The following SORCS2 variants were observed in gnomAD, a reference collection of about 807,000 sequenced individuals.
SORCS2 encodes VPS10 domain-containing receptor SorCS2.
SORCS2 carries 100 observed loss-of-function variants against 141.6 expected under a neutral mutation model. The ratio of observed to expected loss-of-function variants is 0.71; its 90% CI spans 0.60 to 0.83. The LOEUF is 0.83. SORCS2 is among the 40% of genes least tolerant of loss of function. SORCS2 has a pLI of 0.00. For synonymous variants in SORCS2, 789 were observed against 676.9 expected (o/e 1.17, Z -2.57); for missense variants, 1,646 against 1,560.2 (o/e 1.05, Z -0.93).
chr4:7,467,659 G>A (rs1034802346), intron 2 of SORCS2, among the ~76,000 whole-genome samples: 9 of 152,152 alleles, frequency 5.9e-5, no homozygotes, highest in South Asian at 2.1e-4. Context: ...CCAGGGCTCC[G>A]GCTCCCTCAG....
chr4:7,303,255 C>T (rs4689689), intron 1 of SORCS2, among the ~76,000 whole-genome samples: 34,763 of 152,130 alleles, frequency 0.23, 4,687 homozygotes, highest in Admixed American at 0.36. Flanking sequence ...CTGAGGCGTT[C>T]CTGGCTTCAT....
chr4:7,407,972 C>G (rs751297876), intron 2 of SORCS2, among the ~76,000 whole-genome samples: 19 of 152,034 alleles, frequency 1.2e-4, no homozygotes, highest in Non-Finnish European at 2.4e-4. Flanking sequence ...ATCCTCATCT[C>G]CCCCATATTT....
intron 4 of SORCS2, among the ~76,000 whole-genome samples, chr4:7,641,817 G>GATGGATGGATGGATGT (rs1553897684): frequency 1.6e-5 from 2 of 127,350 alleles, no homozygotes; most frequent in Non-Finnish European, 3.5e-5. Context: ...TGGATGGATG[G>GATGGATGGATGGATGT]GTGGGTGGAT....
chr4:7,403,113 A>G (rs1724705589), intron 2 of SORCS2, among the ~76,000 whole-genome samples: 1 of 152,190 alleles, frequency 6.6e-6, no homozygotes, highest in African/African-American at 2.4e-5. Flanking sequence ...TTGTTAGAAT[A>G]GCAATTCTGA....
chr4:7,646,468 T>G (rs1336562758), intron 4 of SORCS2, among the ~76,000 whole-genome samples: 1 of 152,138 alleles, frequency 6.6e-6, no homozygotes, highest in African/African-American at 2.4e-5. Flanking sequence ...ACTGGTGTCC[T>G]TATAAGAAGA....
chr4:7,545,324 A>G (rs1306407907), intron 3 of SORCS2, among the ~76,000 whole-genome samples: 1 of 152,218 alleles, frequency 6.6e-6, no homozygotes, highest in Non-Finnish European at 1.5e-5. Context: ...CCCCAGGCTC[A>G]GGGGCACACA....
chr4:7,352,536 G>A (rs1359352797), intron 1 of SORCS2, among the ~76,000 whole-genome samples: 1 of 152,224 alleles, frequency 6.6e-6, no homozygotes, highest in Non-Finnish European at 1.5e-5. Context: ...CTTGGGCTTA[G>A]TCCTGTTAGA....
intron 10 of SORCS2, among the ~76,000 whole-genome samples, chr4:7,685,585 C>T (rs1315499653): frequency 2.0e-5 from 3 of 152,156 alleles, no homozygotes; most frequent in Admixed American, 6.5e-5. Flanking sequence ...GCAGGAGAAT[C>T]GCTTGAACCT....
intron 1 of SORCS2, among the ~76,000 whole-genome samples, chr4:7,280,589 C>A (rs1362286147): frequency 6.6e-6 from 1 of 152,120 alleles, no homozygotes; most frequent in Non-Finnish European, 1.5e-5. Flanking sequence ...GTTTGGATGG[C>A]GTGGTAAGAA....
At chr4:7,523,910 G>A (rs1465314780) in intron 2 of SORCS2, among the ~76,000 whole-genome samples, 1 of 152,210 alleles carries the variant, frequency 6.6e-6, no homozygotes, top group African/African-American at 2.4e-5. Flanking sequence ...GGCCCCTGGG[G>A]CTTCCCACTG....
intron 2 of SORCS2, among the ~76,000 whole-genome samples, chr4:7,411,505 A>C (rs1577517055): frequency 2.0e-5 from 3 of 148,920 alleles, no homozygotes; most frequent in Non-Finnish European, 3.0e-5. Context: ...CACCCTTCCC[A>C]CCTTTGCTCC....
intron 2 of SORCS2, among the ~76,000 whole-genome samples, chr4:7,443,833 G>A (rs1021364225): frequency 2.0e-5 from 3 of 152,230 alleles, no homozygotes; most frequent in Non-Finnish European, 4.4e-5. Context: ...CTCCTCCCAC[G>A]GCATCAGAAG....
chr4:7,286,187 G>A lies in SORCS2; in HGVS notation c.480+93061G>A, dbSNP rs931184132. ...CCAGCTGGGTCTCCAGGCCTGTGCC[G>A]GTCCTCACTGCACGACTCGGACCCT... On this transcript the variant is annotated intron_variant, in intron 1 of 26. Coordinates refer to ENST00000507866, the MANE Select transcript of SORCS2 (RefSeq NM_020777.3). This position sits in a 1 kb window ranked among gnomAD's most constrained non-coding sequence, Gnocchi z 4.1. Among the ~76,000 whole-genome samples the A allele has an allele frequency of 1.3e-5, 2 of 152,196 alleles. No individual in the cohort carries two copies. The highest frequency in any genetic ancestry group is 2.1e-4 in the South Asian group (1 of 4,826).
intron 1 of SORCS2, among the ~76,000 whole-genome samples, chr4:7,342,109 C>T (rs1023073217): frequency 2.0e-5 from 3 of 152,150 alleles, no homozygotes; most frequent in African/African-American, 7.2e-5. Flanking sequence ...TGTTGATGAA[C>T]AATTGTGTTG....
intron 2 of SORCS2, among the ~76,000 whole-genome samples, chr4:7,500,036 G>A (rs1465334797): frequency 2.0e-5 from 3 of 152,288 alleles, no homozygotes; most frequent in East Asian, 1.9e-4. Flanking sequence ...AGCACCGTGG[G>A]GACCCAGCTG....
At chr4:7,450,022 G>T (rs1014977190) in intron 2 of SORCS2, among the ~76,000 whole-genome samples, 16 of 152,218 alleles carry the variant, frequency 1.1e-4, no homozygotes, top group Non-Finnish European at 2.2e-4. Context: ...ACGTGGGGCT[G>T]GGCGTTTTCC....
chr4:7,724,705 G>A (rs201327118), intron 19 of SORCS2, among the ~76,000 whole-genome samples: 24 of 141,492 alleles, frequency 1.7e-4, no homozygotes, highest in Middle Eastern at 3.8e-3. Flanking sequence ...GTTGGTGATG[G>A]TGGTGATAGT....
At chr4:7,561,602 ATCTATCTACCCATCCG>A (rs1165317300) in intron 3 of SORCS2, among the ~76,000 whole-genome samples, 56 of 145,312 alleles carry the variant, frequency 3.9e-4, no homozygotes, top group African/African-American at 1.4e-3. Context: ...CCATCTATCC[ATCTATCTACCCATCCG>A]TCTATCTACC....
chr4:7,666,260 AG>A lies in SORCS2; in HGVS notation c.1072-861del, dbSNP rs1050846258. ...CTGGTCTGTGTTCAGACCCGATCGC[AG>A]GGTGGTCTCGTTCTGCACAAGGTCA... On this transcript the variant is annotated intron_variant, in intron 7 of 26. Coordinates refer to ENST00000507866, the MANE Select transcript of SORCS2 (RefSeq NM_020777.3). 2.0e-4 allele frequency among the ~76,000 whole-genome samples: 30 copies of A among 152,010 alleles called. 1 individual carries two copies. Among genetic ancestry groups the A allele is most frequent in the Non-Finnish European group, 1.0e-4 (7 of 67,966 alleles).
Sources: allele counts gnomAD v4.1 joint callset (sites outside exome capture counted in the v4.1 genomes callset), GRCh38; gene constraint gnomAD v4.1.1; non-coding constraint Gnocchi (gnomAD v3.1); transcripts MANE v1.5; gene names NCBI Gene and HGNC (gene_info 2026-07-23, HGNC 2026-07-21).